Variants in GAS7 observed in about 807,000 individuals in gnomAD.
The protein encoded by GAS7 is growth arrest specific 7.
Under a neutral mutation model 71.1 loss-of-function variants are expected in GAS7, and 28 were observed. The observed-to-expected ratio is 0.39, with a 90% confidence interval of 0.29 to 0.54. The LOEUF is 0.54. GAS7 is among the 20% of genes least tolerant of loss of function. The pLI is 0.62. For missense variants in GAS7, 436 were observed against 627.8 expected (o/e 0.69, Z 3.27); for synonymous variants, 258 against 245.8 (o/e 1.05, Z -0.46).
intron 1 of GAS7, among the ~76,000 whole-genome samples, chr17:10,031,290 T>C (rs1307220705): frequency 1.3e-5 from 2 of 152,144 alleles, no homozygotes; most frequent in Admixed American, 1.3e-4. Flanking sequence ...TCTGACCCTG[T>C]AAAGAAATGG....
chr17:10,023,851 C>T (rs923575216), intron 1 of GAS7, among the ~76,000 whole-genome samples: 15 of 152,230 alleles, frequency 9.9e-5, no homozygotes, highest in African/African-American at 2.4e-4. Flanking sequence ...TGGCTGGGCA[C>T]GGTGGCTCAC....
At chr17:10,126,793 C>G (rs1007968375) in intron 1 of GAS7, among the ~76,000 whole-genome samples, 1 of 152,228 alleles carries the variant, frequency 6.6e-6, no homozygotes, top group Non-Finnish European at 1.5e-5. Context: ...GGAACCAAGC[C>G]GGCTCTGACT....
intron 1 of GAS7, among the ~76,000 whole-genome samples, chr17:10,066,966 A>G (rs182323956): frequency 6.6e-6 from 1 of 152,306 alleles, no homozygotes; most frequent in East Asian, 1.9e-4. Context: ...ACAAAAAATA[A>G]TAATGATGAT....
intron 1 of GAS7, among the ~76,000 whole-genome samples, chr17:10,191,413 T>C (rs753256200): frequency 6.6e-6 from 1 of 150,714 alleles, no homozygotes; most frequent in Admixed American, 6.6e-5. Flanking sequence ...CTACAAAAAA[T>C]ACAAAAATTA....
intron 1 of GAS7, among the ~76,000 whole-genome samples, chr17:10,027,729 C>G (rs993329848): frequency 6.6e-6 from 1 of 152,240 alleles, no homozygotes; most frequent in African/African-American, 2.4e-5. Context: ...GTCTCCAGAA[C>G]TGTGAGGAAG....
At chr17:10,177,275 C>T (rs896800542) in intron 1 of GAS7, among the ~76,000 whole-genome samples, 9 of 152,032 alleles carry the variant, frequency 5.9e-5, no homozygotes, top group South Asian at 4.1e-4. Context: ...AAGCTGCAGC[C>T]GAGCAAAGGC....
At chr17:9,952,060 C>T (rs2069041106) in intron 5 of GAS7, among the ~76,000 whole-genome samples, 1 of 152,172 alleles carries the variant, frequency 6.6e-6, no homozygotes, top group African/African-American at 2.4e-5. Flanking sequence ...CTGAGGAGGA[C>T]TGAGACCCAC....
At chr17:10,173,520 G>A (rs910178665) in intron 1 of GAS7, among the ~76,000 whole-genome samples, 8 of 151,724 alleles carry the variant, frequency 5.3e-5, no homozygotes, top group African/African-American at 1.7e-4. Context: ...TATAATTCCA[G>A]CACTTTGGTA....
chr17:9,938,208 T>C (rs59291535), intron 8 of GAS7, among the ~76,000 whole-genome samples: 56 of 152,144 alleles, frequency 3.7e-4, no homozygotes, highest in Middle Eastern at 3.4e-3. Flanking sequence ...ATTAGTGTCC[T>C]TATAAAAATA....
chr17:10,171,004 C>A (rs1232446349), intron 1 of GAS7, among the ~76,000 whole-genome samples: 1 of 152,194 alleles, frequency 6.6e-6, no homozygotes, highest in Non-Finnish European at 1.5e-5. Context: ...CAGCAATTTG[C>A]CTAAGTCCCA....
chr17:10,003,176 G>A (rs1346333458), intron 2 of GAS7, among the ~76,000 whole-genome samples: 1 of 152,192 alleles, frequency 6.6e-6, no homozygotes, highest in Non-Finnish European at 1.5e-5. Context: ...CTAACACCTG[G>A]AAGTTGATCT....
intron 1 of GAS7, among the ~76,000 whole-genome samples, chr17:10,095,714 G>A (rs961650838): frequency 6.6e-6 from 1 of 151,626 alleles, no homozygotes; most frequent in African/African-American, 2.4e-5. Flanking sequence ...CAGCTACTCG[G>A]GAGGCTAAGG....
intron 5 of GAS7, among the ~76,000 whole-genome samples, chr17:9,953,874 G>T (rs1028418927): frequency 1.7e-4 from 26 of 152,196 alleles, no homozygotes; most frequent in African/African-American, 5.8e-4. Flanking sequence ...GTACATAGTG[G>T]GTGCTCAGGA....
chr17:10,090,842 G>A (rs903686745), intron 1 of GAS7, among the ~76,000 whole-genome samples: 1 of 152,172 alleles, frequency 6.6e-6, no homozygotes. Flanking sequence ...ATTACTCCAA[G>A]TCCAATCCAG....
intron 1 of GAS7, among the ~76,000 whole-genome samples, chr17:10,032,127 A>AC (rs528356994): frequency 1.3e-5 from 2 of 151,900 alleles, no homozygotes; most frequent in African/African-American, 4.8e-5. Context: ...AAAAAAAAAA[A>AC]AAACCCTACA....
At chr17:9,972,776 C>A (rs932662610) in intron 3 of GAS7, among the ~76,000 whole-genome samples, 7 of 152,102 alleles carry the variant, frequency 4.6e-5, no homozygotes, top group South Asian at 2.1e-4. Flanking sequence ...CCCCATCCCC[C>A]CAACTCCTAA....
intron 1 of GAS7, among the ~76,000 whole-genome samples, chr17:10,148,454 CAA>C (rs34252972): frequency 0.44 from 61,999 of 141,818 alleles, 13,501 homozygotes; most frequent in East Asian, 0.64. Context: ...ACTAAAATTA[CAA>C]AAAAAAAAAA....
At chr17:10,093,183 C>T (rs1049754850) in intron 1 of GAS7, among the ~76,000 whole-genome samples, 4 of 152,176 alleles carry the variant, frequency 2.6e-5, no homozygotes, top group Non-Finnish European at 1.5e-5. Context: ...CAAGACCAAC[C>T]CCTTGTCAAG....
At chr17:9,967,496 C>T (rs748446012) in intron 4 of GAS7, among the ~76,000 whole-genome samples, 6 of 152,184 alleles carry the variant, frequency 3.9e-5, no homozygotes, top group Non-Finnish European at 7.3e-5. Flanking sequence ...TGATCTCAGA[C>T]GCAGACAGAG....
Sources: gnomAD v4.1 joint callset for allele counts (sites outside exome capture counted in the v4.1 genomes callset) on GRCh38, gnomAD v4.1.1 for gene constraint, MANE v1.5 for transcripts, NCBI Gene and HGNC (gene_info 2026-07-23, HGNC 2026-07-21) for gene names.